FRMD4A: variants seen among roughly 807,000 people sequenced by gnomAD.
FRMD4A encodes the protein FERM domain containing 4A, also known as FERM domain-containing protein 4A.
FRMD4A carries 29 observed loss-of-function variants against 129.1 expected under a neutral mutation model. The ratio of observed to expected loss-of-function variants is 0.22; its 90% confidence interval spans 0.17 to 0.31. The LOEUF is 0.31. Ranked by LOEUF, FRMD4A falls within the 10% of genes least tolerant of loss-of-function variation. The pLI is 1.00. For missense variants in FRMD4A, 1,272 were observed against 1,375.8 expected, an observed-to-expected ratio of 0.92 and a Z score of 1.19; for synonymous variants, 634 against 571.6, an observed-to-expected ratio of 1.11 and a Z score of -1.56.
chr10:14,140,821 G>A (rs965878476), intron 2 of FRMD4A, among the ~76,000 whole-genome samples: 3 of 152,026 alleles, frequency 2.0e-5, no homozygotes, highest in Non-Finnish European at 4.4e-5. Context: ...TCCCCCATTT[G>A]TTACAGAAAA....
At position 14,278,692 on chromosome 10, in the gene FRMD4A, T is replaced by C. The variant is rs17155012; in HGVS notation, c.45+51366A>G. On this transcript the variant is annotated intron_variant, in intron 2 of 24. Coordinates refer to ENST00000357447, the MANE Select transcript of FRMD4A (RefSeq NM_018027.5). ...CGCTTGCCTGAGCCCAGAATTTGAA[T>C]GGGGATCATGCGTTTTCCAGCTGAC... Among the ~76,000 whole-genome samples, 1,279 of 152,252 alleles carry C rather than the reference T, an allele frequency of 8.4e-3. 36 individuals are homozygous for C. The East Asian group carries it at 0.089, about 11-fold the overall frequency.
chr10:13,778,898 T>C (rs527249467), intron 6 of FRMD4A, among the ~76,000 whole-genome samples: 4 of 152,326 alleles, frequency 2.6e-5, no homozygotes, highest in African/African-American at 4.8e-5. Context: ...TCATGGCACA[T>C]GTATACCTAT....
chr10:13,915,104 T>C (rs1007847234), intron 2 of FRMD4A, among the ~76,000 whole-genome samples: 1 of 152,080 alleles, frequency 6.6e-6, no homozygotes, highest in African/African-American at 2.4e-5. Flanking sequence ...ATTAACAACA[T>C]TATAGGGAGT....
At chr10:13,874,245 CAAAAAAAAAA>C (rs71388124) in intron 2 of FRMD4A, among the ~76,000 whole-genome samples, 1 of 76,408 alleles carries the variant, frequency 1.3e-5, no homozygotes, top group African/African-American at 5.5e-5. Flanking sequence ...GACACTGTCT[CAAAAAAAAAA>C]AAAAAAAAAA....
At chr10:13,946,319 C>T (rs140353635) in intron 2 of FRMD4A, among the ~76,000 whole-genome samples, 1 of 152,162 alleles carries the variant, frequency 6.6e-6, no homozygotes, top group African/African-American at 2.4e-5. Flanking sequence ...AAGAGGTGCT[C>T]GTTACTCAGA....
At chr10:13,667,589 A>G (rs1379379625) in intron 17 of FRMD4A, 2 of 152,288 alleles carry the variant, frequency 1.3e-5, no homozygotes, top group African/African-American at 4.8e-5. Flanking sequence ...TATGTACACC[A>G]GCTGCTGAGG....
intron 2 of FRMD4A, among the ~76,000 whole-genome samples, chr10:14,281,323 A>G (rs1406095590): frequency 6.6e-6 from 1 of 152,224 alleles, no homozygotes; most frequent in Non-Finnish European, 1.5e-5. Flanking sequence ...AAATTAGGGC[A>G]CAGACTGGTA....
chr10:13,923,309 C>G (rs1378143703), intron 2 of FRMD4A, among the ~76,000 whole-genome samples: 1 of 152,208 alleles, frequency 6.6e-6, no homozygotes, highest in African/African-American at 2.4e-5. Flanking sequence ...CAGGTGTCAA[C>G]AAAACCCATG....
rs553867261 is a variant in FRMD4A, at chr10:13,671,754, A to G, written c.1252-1226T>C. ...CTGTAGAGGCCAGGCATCAAATTCA[A>G]GAAGTCACTTCCAGAGACCAGAAAA... On this transcript the variant is annotated intron_variant, in intron 16 of 24. Transcript: ENST00000357447. 2.0e-5 allele frequency among the ~76,000 whole-genome samples: 3 copies of G among 152,388 alleles called. No individual in the cohort carries two copies. In the South Asian group the frequency reaches 6.2e-4, roughly 32 times the overall value.
At position 13,656,976 on chromosome 10, in the gene FRMD4A, G is replaced by A. The variant is rs756818243; in HGVS notation, c.2613C>T (p.Asn871=). Residue 871 remains asparagine, a synonymous_variant, in exon 22 of 25, where the codon AAC becomes AAT. Coordinates refer to ENST00000357447, the MANE Select transcript of FRMD4A (RefSeq NM_018027.5). ...TGAACAGGCCGCCCGCCGTGTAGGA[G>A]TTGGACGTCTTGAACTGAGCCTTGA... is the stretch of plus-strand genomic sequence containing the variant. The part of the protein sequence containing the change: ...YSVKAQFKTS[N]SYTAGGLFKE... The A allele has an allele frequency of 1.0e-5, 16 of 1,549,244 alleles. No individual in the cohort carries two copies. The Admixed American group carries it at 1.8e-4, about 18-fold the overall frequency.
intron 2 of FRMD4A, among the ~76,000 whole-genome samples, chr10:14,147,588 G>C (rs1840135617): frequency 6.6e-6 from 1 of 152,112 alleles, no homozygotes; most frequent in Non-Finnish European, 1.5e-5. Context: ...AACAGTGGTG[G>C]TTCATAAGGC....
chr10:13,739,513 T>C (rs149149219), intron 11 of FRMD4A, among the ~76,000 whole-genome samples: 107 of 152,372 alleles, frequency 7.0e-4, no homozygotes, highest in African/African-American at 2.3e-3. Flanking sequence ...GCTTTGAGGT[T>C]CTAAGTGCCA....
chr10:14,105,798 A>C (rs1056963627), intron 2 of FRMD4A, among the ~76,000 whole-genome samples: 5 of 152,044 alleles, frequency 3.3e-5, no homozygotes, highest in Non-Finnish European at 7.4e-5. Context: ...ACACTGGGTC[A>C]TTTGCTTTTA....
intron 12 of FRMD4A, among the ~76,000 whole-genome samples, chr10:13,718,245 G>A (rs1252537846): frequency 1.3e-5 from 2 of 152,260 alleles, no homozygotes; most frequent in African/African-American, 4.8e-5. Flanking sequence ...AGTGAGGCGG[G>A]TGAGCAGGCA....
intron 2 of FRMD4A, among the ~76,000 whole-genome samples, chr10:14,098,410 CTT>C (rs999439518): frequency 1.4e-5 from 2 of 145,194 alleles, no homozygotes. Context: ...TCTTTCTTTT[CTT>C]TTTTTTTTTG....
At chr10:14,125,924 A>G (rs1170244678) in intron 2 of FRMD4A, among the ~76,000 whole-genome samples, 3 of 146,818 alleles carry the variant, frequency 2.0e-5, no homozygotes, top group South Asian at 2.1e-4. Flanking sequence ...ACACAGTATG[A>G]TAGAAGCAAA....
chr10:13,904,333 T>C (rs1030783324), intron 2 of FRMD4A, among the ~76,000 whole-genome samples: 1 of 152,148 alleles, frequency 6.6e-6, no homozygotes, highest in Non-Finnish European at 1.5e-5. Flanking sequence ...CCTCCCGTCC[T>C]CCCTGACACC....
chr10:14,196,855 G>T (rs905375159), intron 2 of FRMD4A, among the ~76,000 whole-genome samples: 2 of 152,164 alleles, frequency 1.3e-5, no homozygotes, highest in Non-Finnish European at 2.9e-5. Flanking sequence ...TCTCTAAATG[G>T]TTTGGGCTAA....
chr10:14,008,032 G>A, intron 2 of FRMD4A: 3 of 1,298,092 alleles, frequency 2.3e-6, no homozygotes, highest in South Asian at 2.5e-5. Flanking sequence ...GAGCAACTGA[G>A]AAGCAAACAA....
Sources: gnomAD v4.1 joint callset for allele counts (sites outside exome capture counted in the v4.1 genomes callset) on GRCh38, gnomAD v4.1.1 for gene constraint, MANE v1.5 for transcripts, NCBI Gene and HGNC (gene_info 2026-07-23, HGNC 2026-07-21) for gene names.